CDC14B: variants seen among roughly 807,000 people sequenced by gnomAD.
The protein encoded by CDC14B is dual specificity protein phosphatase CDC14B.
CDC14B carries 22 observed loss-of-function variants against 64.2 expected under a neutral mutation model. The ratio of observed to expected loss-of-function variants is 0.34; its 90% CI spans 0.24 to 0.49. The LOEUF is 0.49. Among genes scored for constraint, CDC14B ranks in the 20% least tolerant of loss-of-function variants. The pLI, the probability that CDC14B is intolerant of heterozygous loss-of-function variation, is 0.99. For synonymous variants in CDC14B, 191 were observed against 215.8 expected (o/e 0.89, Z 1.01); for missense variants, 498 against 629.9 (o/e 0.79, Z 2.24).
intron 9 of CDC14B, among the ~76,000 whole-genome samples, chr9:96,528,024 C>T (rs1837850336): frequency 6.6e-6 from 1 of 152,222 alleles, no homozygotes; most frequent in Admixed American, 6.5e-5. Flanking sequence ...TGGATTCATA[C>T]AATATCTGTC....
intron 5 of CDC14B, among the ~76,000 whole-genome samples, chr9:96,544,092 C>T (rs1320603475): frequency 6.6e-6 from 1 of 152,052 alleles, no homozygotes; most frequent in Non-Finnish European, 1.5e-5. Flanking sequence ...TGGCGCGCAC[C>T]TGTAGTCCCA....
At chr9:96,610,215 T>C (rs1847228125) in intron 1 of CDC14B, among the ~76,000 whole-genome samples, 2 of 152,198 alleles carry the variant, frequency 1.3e-5, no homozygotes. Flanking sequence ...ATTTATTTTT[T>C]GAGATGGAGT....
At chr9:96,594,578 G>GT (rs1447966114) in intron 1 of CDC14B, among the ~76,000 whole-genome samples, 1 of 151,992 alleles carries the variant, frequency 6.6e-6, no homozygotes, top group Non-Finnish European at 1.5e-5. Flanking sequence ...TTGGCAGGGT[G>GT]TGGTGATGCA....
intron 9 of CDC14B, among the ~76,000 whole-genome samples, chr9:96,527,269 G>A (rs1035224898): frequency 3.7e-4 from 56 of 152,218 alleles, no homozygotes; most frequent in African/African-American, 1.3e-3. Flanking sequence ...CGCGGTGGCG[G>A]GCGCCTGTAG....
chr9:96,587,119 A>G (rs1845492471), intron 1 of CDC14B, among the ~76,000 whole-genome samples: 1 of 152,120 alleles, frequency 6.6e-6, no homozygotes, highest in Non-Finnish European at 1.5e-5. Flanking sequence ...GCTGCAGTGA[A>G]AAGAGATTGC....
At chr9:96,549,800 G>A (rs528756982) in intron 5 of CDC14B, among the ~76,000 whole-genome samples, 12 of 152,306 alleles carry the variant, frequency 7.9e-5, no homozygotes, top group African/African-American at 2.9e-4. Flanking sequence ...TGATGCTCCT[G>A]GGACCAAAAG....
At chr9:96,550,425 G>A (rs1228924968) in intron 5 of CDC14B, among the ~76,000 whole-genome samples, 1 of 152,112 alleles carries the variant, frequency 6.6e-6, no homozygotes, top group African/African-American at 2.4e-5. Context: ...TATTTGAAAG[G>A]GAGATTCTGC....
chr9:96,566,704 T>TGCCC, intron 1 of CDC14B: 1 of 1,510,918 alleles, frequency 6.6e-7, no homozygotes, highest in South Asian at 1.2e-5. Context: ...AAGCCAGCAC[T>TGCCC]GCCCGCCCTG....
intron 1 of CDC14B, among the ~76,000 whole-genome samples, chr9:96,604,651 C>A (rs1174014275): frequency 1.3e-5 from 2 of 151,692 alleles, no homozygotes; most frequent in Non-Finnish European, 2.9e-5. Context: ...AGCCACCACA[C>A]CTGGCCTTTT....
rs5899295 is a variant in CDC14B at position 96,603,155 on chromosome 9, G to GACACACACACACAC, written c.160+16050_160+16063dup. ...GGTGTCATTTGAGGTGATAGAAACGGACACACACACACACACACACACACA... is the reference window on the plus strand; with the variant it reads ...GGTGTCATTTGAGGTGATAGAAACGGACACACACACACACACACACACACACACACACACACACA... On this transcript the variant is annotated intron_variant, in intron 1 of 13. Transcript: ENST00000375241. Among the ~76,000 whole-genome samples, 25 of 138,146 alleles carry GACACACACACACAC rather than the reference G, an allele frequency of 1.8e-4. No individual in the cohort carries two copies. In the South Asian group the frequency reaches 4.1e-3, roughly 22 times the overall value. The allele number at this position is 138,146 out of a possible 152,430, so 90.6% of individuals were successfully genotyped here.
Position 96,500,292 on chromosome 9 carries a change from T to C in CDC14B, c.*3461A>G, listed in dbSNP as rs1833442236. ...TATCTTAAAAATACCTTCAGGAAAA[T>C]AAACATTCATTCAACCAGTTCTCTT... On this transcript the variant is annotated 3_prime_UTR_variant, in exon 14 of 14. Transcript: ENST00000375241. 6.6e-6 allele frequency: 1 copy of C among 152,404 alleles called. No individual in the cohort carries two copies. The highest frequency in any genetic ancestry group is 6.5e-5 in the Admixed American group (1 of 15,270). The allele number at this position is 152,404 out of a possible 1,614,324, so 9.4% of individuals were successfully genotyped here.
intron 4 of CDC14B, among the ~76,000 whole-genome samples, chr9:96,553,457 C>G (rs1253888331): frequency 6.6e-6 from 1 of 151,210 alleles, no homozygotes; most frequent in Admixed American, 6.6e-5. Context: ...CTCCCAGGTT[C>G]AAGCAATTCT....
chr9:96,582,322 T>C (rs1205817581), intron 1 of CDC14B, among the ~76,000 whole-genome samples: 2 of 152,240 alleles, frequency 1.3e-5, no homozygotes, highest in South Asian at 2.1e-4. Flanking sequence ...TCCCACAATT[T>C]AGCCTAAATA....
chr9:96,523,648 C>A lies in CDC14B; in HGVS notation c.1024G>T (p.Ala342Ser). 6.2e-7 allele frequency: 1 copy of A among 1,614,182 alleles called. No individual in the cohort carries two copies. The highest frequency in any genetic ancestry group is 8.5e-7 in the Non-Finnish European group (1 of 1,180,042). Residue 342 changes from alanine (A) to serine (S), a missense_variant, in exon 10 of 14, where the codon GCG becomes TCG. By Grantham distance (99) the Ala-to-Ser change is moderately conservative. Coordinates refer to ENST00000375241, the MANE Select transcript of CDC14B (RefSeq NM_033331.4). ...CCAGGTCTGCAGATCCTGACCCACGCAATGGTCTCGGCTGCTGTCATCCTG... is the reference window on the plus strand; with the variant it reads ...CCAGGTCTGCAGATCCTGACCCACGAAATGGTCTCGGCTGCTGTCATCCTG... ...HYRMTAAETI[A>S]WVRICRPGSV... is the part of the protein sequence containing the mutation.
chr9:96,605,303 T>C (rs1224273103), intron 1 of CDC14B, among the ~76,000 whole-genome samples: 1 of 152,184 alleles, frequency 6.6e-6, no homozygotes, highest in Admixed American at 6.5e-5. Flanking sequence ...TTCAGGGCTT[T>C]CTCTGGCCTA....
intron 9 of CDC14B, among the ~76,000 whole-genome samples, chr9:96,531,033 C>G (rs1404489045): frequency 6.6e-6 from 1 of 152,194 alleles, no homozygotes; most frequent in Non-Finnish European, 1.5e-5. Context: ...TTTAAATATG[C>G]TGCTGAATTC....
chr9:96,514,631 G>A, intron 12 of CDC14B: 1 of 985,326 alleles, frequency 1.0e-6, no homozygotes, highest in Non-Finnish European at 1.2e-6. Flanking sequence ...AAGAGATCTT[G>A]CAAGGAACTT....
chr9:96,521,759 A>C (rs1215826469), intron 12 of CDC14B, among the ~76,000 whole-genome samples: 1 of 152,238 alleles, frequency 6.6e-6, no homozygotes, highest in African/African-American at 2.4e-5. Context: ...GCAAAAAAGA[A>C]GGCTGGAAAT....
In CDC14B at chr9:96,515,059, A is replaced by G. The variant is rs1004439664; in HGVS notation, c.1344-5270T>C. 1 of 261,188 alleles carries G rather than the reference A, an allele frequency of 3.8e-6. No individual in the cohort carries two copies. Among genetic ancestry groups the G allele is most frequent in the Non-Finnish European group, 6.0e-6 (1 of 167,820 alleles). 16.2% of individuals were successfully genotyped at this position (261,188 alleles called of 1,614,324 possible). On this transcript the variant is annotated intron_variant, in intron 12 of 13. Transcript: ENST00000375241. This position sits in a 1 kb window ranked among gnomAD's most constrained non-coding sequence, Gnocchi z 4.3. ...TTTCATTTAGCATCAAGTGCTACAC[A>G]CTGTACTTACTGTATTCCCTAAAGG...
Sources: gnomAD v4.1 joint callset for allele counts (sites outside exome capture counted in the v4.1 genomes callset) on GRCh38, gnomAD v4.1.1 for gene constraint, Gnocchi (gnomAD v3.1) non-coding constraint, MANE v1.5 for transcripts, NCBI Gene and HGNC (gene_info 2026-07-23, HGNC 2026-07-21) for gene names.